The following ASTN2 variants were observed in gnomAD, a reference collection of about 807,000 sequenced individuals.
ASTN2 encodes astrotactin-2.
Under a neutral mutation model 139.8 loss-of-function variants are expected in ASTN2, and 54 were observed. The ratio of observed to expected loss-of-function variants is 0.39; its 90% CI spans 0.31 to 0.48. The LOEUF (loss-of-function observed/expected upper bound fraction) is 0.48, where lower values mean the gene tolerates loss of function less well. Ranked by LOEUF, ASTN2 falls within the 20% of genes least tolerant of loss-of-function variation. The pLI, the probability that ASTN2 is intolerant of heterozygous loss-of-function variation, is 0.95. For missense variants in ASTN2, 1,565 were observed against 1,725.1 expected, an observed-to-expected ratio of 0.91 and a Z score of 1.64; for synonymous variants, 756 against 719.5, an observed-to-expected ratio of 1.05 and a Z score of -0.81.
intron 3 of ASTN2, among the ~76,000 whole-genome samples, chr9:117,160,198 G>A (rs1377329288): frequency 6.6e-6 from 1 of 151,966 alleles, no homozygotes; most frequent in Non-Finnish European, 1.5e-5. Flanking sequence ...GGTAATCCAA[G>A]CTATTAAATA....
intron 11 of ASTN2, among the ~76,000 whole-genome samples, chr9:116,828,687 G>T (rs953136695): frequency 2.0e-5 from 3 of 152,030 alleles, no homozygotes; most frequent in African/African-American, 7.2e-5. Context: ...ATTCAACATA[G>T]CACTGGAAGT....
At position 117,353,193 on chromosome 9, in the gene ASTN2, T is replaced by TA. The variant is rs564925439; in HGVS notation, c.442+61303dup. 3.8e-3 allele frequency among the ~76,000 whole-genome samples: 571 copies of TA among 149,858 alleles called. 3 individuals carry two copies. Among genetic ancestry groups the TA allele is most frequent in the East Asian group, 0.015 (76 of 5,096 alleles). On this transcript the variant is annotated intron_variant, in intron 1 of 22. Transcript: ENST00000313400. ...GTATGTTACATATATTTTACCACAG[T>TA]AAAAAAAAAATCACAGCACTAATAA...
intron 20 of ASTN2, among the ~76,000 whole-genome samples, chr9:116,473,746 T>C (rs1445827277): frequency 6.6e-6 from 1 of 151,986 alleles, no homozygotes; most frequent in Non-Finnish European, 1.5e-5. Context: ...CTACTAAAAA[T>C]ACAAAAATTA....
intron 16 of ASTN2, chr9:116,697,810 G>T: frequency 6.2e-7 from 1 of 1,614,166 alleles, no homozygotes; most frequent in Non-Finnish European, 8.5e-7. Context: ...TGCCCCATCT[G>T]CATGGAGTCC....
At chr9:116,537,938 A>G (rs760214383) in intron 19 of ASTN2, among the ~76,000 whole-genome samples, 14 of 152,148 alleles carry the variant, frequency 9.2e-5, no homozygotes, top group Non-Finnish European at 1.6e-4. Context: ...CTTCCAGGAT[A>G]CTCCAGTTTT....
At chr9:116,446,807 C>A (rs774297334) in intron 20 of ASTN2, among the ~76,000 whole-genome samples, 5 of 152,198 alleles carry the variant, frequency 3.3e-5, no homozygotes, top group Admixed American at 6.5e-5. Flanking sequence ...TGAGATCTTG[C>A]ATACCTACAG....
At chr9:117,002,642 T>C (rs993125292) in intron 7 of ASTN2, among the ~76,000 whole-genome samples, 1 of 152,250 alleles carries the variant, frequency 6.6e-6, no homozygotes, top group Non-Finnish European at 1.5e-5. Context: ...TATATACAAT[T>C]GTTTCAAGAA....
chr9:116,587,228 C>A (rs2131725141), intron 19 of ASTN2, among the ~76,000 whole-genome samples: 1 of 151,744 alleles, frequency 6.6e-6, no homozygotes, highest in East Asian at 1.9e-4. Context: ...GTAATCCCAG[C>A]TACTTGGGAG....
chr9:117,036,527 A>G (rs1838388767), intron 6 of ASTN2, among the ~76,000 whole-genome samples: 1 of 152,070 alleles, frequency 6.6e-6, no homozygotes, highest in East Asian at 1.9e-4. Context: ...AAATTAACCA[A>G]TCCAGAACCT....
chr9:117,047,229 G>T (rs1838773606), intron 5 of ASTN2, among the ~76,000 whole-genome samples: 1 of 152,142 alleles, frequency 6.6e-6, no homozygotes, highest in South Asian at 2.1e-4. Flanking sequence ...AAACTGTAGG[G>T]TATATGGCCC....
At chr9:116,896,598 C>T (rs1833884545) in intron 10 of ASTN2, among the ~76,000 whole-genome samples, 1 of 152,116 alleles carries the variant, frequency 6.6e-6, no homozygotes, top group South Asian at 2.1e-4. Context: ...GGATTACAGG[C>T]ATGAGCTGCC....
intron 6 of ASTN2, among the ~76,000 whole-genome samples, chr9:117,013,663 C>G (rs1837596147): frequency 6.6e-6 from 1 of 152,006 alleles, no homozygotes; most frequent in Admixed American, 6.6e-5. Context: ...GATTATCAGC[C>G]TGCTTCTGTA....
At chr9:116,490,561 T>C (rs1233814240) in intron 19 of ASTN2, among the ~76,000 whole-genome samples, 1 of 152,052 alleles carries the variant, frequency 6.6e-6, no homozygotes, top group African/African-American at 2.4e-5. Flanking sequence ...GGGTAACTCA[T>C]AAAGAAAAGG....
At chr9:117,065,861 G>A (rs971998437) in intron 5 of ASTN2, among the ~76,000 whole-genome samples, 6 of 152,054 alleles carry the variant, frequency 3.9e-5, no homozygotes, top group Admixed American at 2.0e-4. Flanking sequence ...CAGCTTTGGG[G>A]TCAAATAGGC....
At chr9:117,087,454 C>G (rs1828596917) in intron 5 of ASTN2, among the ~76,000 whole-genome samples, 1 of 152,064 alleles carries the variant, frequency 6.6e-6, no homozygotes, top group Non-Finnish European at 1.5e-5. Context: ...TCCGGAACTC[C>G]CAGGCTTAAG....
chr9:116,459,363 T>C (rs777655553), intron 20 of ASTN2, among the ~76,000 whole-genome samples: 12 of 152,056 alleles, frequency 7.9e-5, no homozygotes, highest in Non-Finnish European at 1.3e-4. Flanking sequence ...AGTAGTTTTC[T>C]TGGATATTAC....
chr9:116,729,659 T>C (rs888211866), intron 14 of ASTN2, among the ~76,000 whole-genome samples: 6 of 152,230 alleles, frequency 3.9e-5, no homozygotes, highest in African/African-American at 1.4e-4. Context: ...TTATTAACTT[T>C]CCCTTCATGT....
chr9:116,658,238 T>C (rs1490988189), intron 16 of ASTN2, among the ~76,000 whole-genome samples: 1 of 152,176 alleles, frequency 6.6e-6, no homozygotes, highest in East Asian at 1.9e-4. Flanking sequence ...CTTGGAGAAC[T>C]TGGATATATT....
chr9:117,151,096 C>T (rs779772007), intron 3 of ASTN2, among the ~76,000 whole-genome samples: 1 of 151,912 alleles, frequency 6.6e-6, no homozygotes, highest in Non-Finnish European at 1.5e-5. Context: ...CCCCTTGGCT[C>T]AAGGGGTCCT....
Sources: gnomAD v4.1 joint callset for allele counts (sites outside exome capture counted in the v4.1 genomes callset) on GRCh38, gnomAD v4.1.1 for gene constraint, MANE v1.5 for transcripts, NCBI Gene and HGNC (gene_info 2026-07-23, HGNC 2026-07-21) for gene names.